Variants in ART4 observed in about 807,000 individuals in gnomAD.
ART4 encodes ecto-ADP-ribosyltransferase 4.
ART4 carries 14 observed loss-of-function variants against 24.2 expected under a neutral mutation model. The ratio of observed to expected loss-of-function variants is 0.58; its 90% CI spans 0.38 to 0.90. The LOEUF is 0.90. Ranked by LOEUF, ART4 falls within the 40% of genes least tolerant of loss-of-function variation. The pLI, the probability that ART4 is intolerant of heterozygous loss-of-function variation, is 0.00. For missense variants in ART4, 356 were observed against 366.6 expected (o/e 0.97, Z 0.24); for synonymous variants, 145 against 139.9 (o/e 1.04, Z -0.26).
intron 2 of ART4, among the ~76,000 whole-genome samples, chr12:14,837,325 G>A (rs1012494903): frequency 1.1e-4 from 16 of 152,152 alleles, no homozygotes; most frequent in African/African-American, 3.1e-4. Flanking sequence ...TATTGGAACT[G>A]TTTTTAATTA....
At position 14,829,276 on chromosome 12, in the gene ART4, T is replaced by G; in HGVS notation, c.*95A>C. 1 of 862,470 alleles carries G rather than the reference T, an allele frequency of 1.2e-6. No individual in the cohort carries two copies. The highest frequency in any genetic ancestry group is 2.9e-5 in the East Asian group (1 of 33,908). 53.4% of individuals were successfully genotyped at this position (862,470 alleles called of 1,614,324 possible). ...CAGCAGAAGTATGATGGGATCATCCTTCCTGGAAAATAAATGTCCATTTCT... is the reference window on the plus strand; with the variant it reads ...CAGCAGAAGTATGATGGGATCATCCGTCCTGGAAAATAAATGTCCATTTCT... On this transcript the variant is annotated 3_prime_UTR_variant, in exon 3 of 3. Coordinates refer to ENST00000228936, the MANE Select transcript of ART4 (RefSeq NM_021071.4).
At chr12:14,837,330 T>A (rs1950437518) in intron 2 of ART4, among the ~76,000 whole-genome samples, 1 of 152,200 alleles carries the variant, frequency 6.6e-6, no homozygotes, top group Non-Finnish European at 1.5e-5. Context: ...GAACTGTTTT[T>A]AATTAATTGT....
At chr12:14,842,349 T>C (rs1863064031) in intron 1 of ART4, among the ~76,000 whole-genome samples, 1 of 152,200 alleles carries the variant, frequency 6.6e-6, no homozygotes, top group African/African-American at 2.4e-5. Context: ...ATGTTATTTA[T>C]GATGAGACGT....
chr12:14,831,856 C>T (rs1950397878), intron 2 of ART4, among the ~76,000 whole-genome samples: 1 of 152,082 alleles, frequency 6.6e-6, no homozygotes, highest in African/African-American at 2.4e-5. Flanking sequence ...ACTCCATCCC[C>T]AGGCTTCTCC....
At chr12:14,835,398 C>T (rs961177971) in intron 2 of ART4, among the ~76,000 whole-genome samples, 1 of 152,110 alleles carries the variant, frequency 6.6e-6, no homozygotes, top group Non-Finnish European at 1.5e-5. Flanking sequence ...ATAAGAAAGA[C>T]ACACTACCTC....
At position 14,843,234 on chromosome 12, in the gene ART4, G is replaced by T; in HGVS notation, c.-121C>A. 8.0e-7 allele frequency: 1 copy of T among 1,246,038 alleles called. No homozygotes were observed. The highest frequency in any genetic ancestry group is 1.1e-6 in the Non-Finnish European group (1 of 904,540). The allele number at this position is 1,246,038 out of a possible 1,614,324, so 77.2% of individuals were successfully genotyped here. On this transcript the variant is annotated 5_prime_UTR_variant, in exon 1 of 3. Transcript: ENST00000228936. Reference sequence around the variant, plus strand: ...CGTAACCGTTTTTTCCCCTGTCTATGCTGAGCAACTTCTGTTGCCCACCAA... The same window carrying T: ...CGTAACCGTTTTTTCCCCTGTCTATTCTGAGCAACTTCTGTTGCCCACCAA...
At chr12:14,839,428 T>C (rs189698270) in intron 2 of ART4, among the ~76,000 whole-genome samples, 1 of 152,236 alleles carries the variant, frequency 6.6e-6, no homozygotes, top group Non-Finnish European at 1.5e-5. Context: ...GTAAAGAAAA[T>C]AAATTTATTT....
Position 14,827,712 on chromosome 12 carries a change from C to T in ART4, c.*1659G>A, listed in dbSNP as rs533053334. On this transcript the variant is annotated 3_prime_UTR_variant, in exon 3 of 3. Coordinates refer to ENST00000228936, the MANE Select transcript of ART4 (RefSeq NM_021071.4). Reference sequence around the variant, plus strand: ...CCACCATGCCTGGCAGAAATTCTTTCCTTTATTGACTGTAGAGGCTACTGC... The same window carrying T: ...CCACCATGCCTGGCAGAAATTCTTTTCTTTATTGACTGTAGAGGCTACTGC... 3 of 152,170 alleles carry T rather than the reference C, an allele frequency of 2.0e-5. No homozygotes were observed. Among genetic ancestry groups the T allele is most frequent in the Admixed American group, 6.6e-5 (1 of 15,266 alleles). The allele number at this position is 152,170 out of a possible 1,614,324, so 9.4% of individuals were successfully genotyped here. A position where few individuals can be genotyped will look rare whatever the true frequency, so the allele number is the denominator to read the frequency against.
intron 2 of ART4, among the ~76,000 whole-genome samples, chr12:14,836,853 T>A (rs1429368790): frequency 6.6e-6 from 1 of 152,184 alleles, no homozygotes; most frequent in Non-Finnish European, 1.5e-5. Flanking sequence ...GCCTCTGACC[T>A]ATCTCTTCCC....
At chr12:14,837,308 C>T (rs899750414) in intron 2 of ART4, among the ~76,000 whole-genome samples, 1 of 152,136 alleles carries the variant, frequency 6.6e-6, no homozygotes, top group African/African-American at 2.4e-5. Flanking sequence ...ATCTTCCCTT[C>T]TTCAAATATT....
Position 14,826,288 on chromosome 12 carries a change from A to C in ART4, c.*3083T>G, listed in dbSNP as rs1439488707. 6.6e-6 allele frequency: 1 copy of C among 152,230 alleles called. No individual in the cohort carries two copies. The highest frequency in any genetic ancestry group is 1.5e-5 in the Non-Finnish European group (1 of 68,042). The allele number at this position is 152,230 out of a possible 1,614,324, so 9.4% of individuals were successfully genotyped here. A position where few individuals can be genotyped will look rare whatever the true frequency, so the allele number is the denominator to read the frequency against. On this transcript the variant is annotated 3_prime_UTR_variant, in exon 3 of 3. Transcript: ENST00000228936. ...CATGAATCTACATAATTTTAAGAGA[A>C]TAGTTTCTGTCTCCAGAGATTTGAT...
rs753978804 is a variant in ART4 at position 14,840,447 on chromosome 12, T to G, written c.851A>C (p.Lys284Thr). The G allele has an allele frequency of 6.2e-7, 1 of 1,602,190 alleles. No individual in the cohort carries two copies. The highest frequency in any genetic ancestry group is 1.1e-5 in the South Asian group (1 of 88,752). The change falls in exon 2 of 3, where the codon AAA becomes ACA. Residue 284 changes from lysine to threonine, a missense_variant and splice_region_variant. Physicochemically the swap from Lys to Thr is moderately conservative, Grantham distance 78. Transcript: ENST00000228936. ...NLSTYNCQLL[K>T]ASSKKCIPDP... ...GCCTCAATTTAGATAAAGAATACCT[T>G]TTAGCAGCTGACAGTTATATGTGCT...
intron 2 of ART4, among the ~76,000 whole-genome samples, chr12:14,835,900 G>A (rs1389432108): frequency 6.6e-6 from 1 of 152,136 alleles, no homozygotes; most frequent in Non-Finnish European, 1.5e-5. Flanking sequence ...ACTGCACCTG[G>A]CTGGCAATCA....
intron 1 of ART4, among the ~76,000 whole-genome samples, chr12:14,841,647 C>G (rs984865563): frequency 1.3e-5 from 2 of 152,124 alleles, no homozygotes; most frequent in Non-Finnish European, 2.9e-5. Context: ...TCTTGTCTAC[C>G]TGGGTTCTGA....
intron 2 of ART4, among the ~76,000 whole-genome samples, chr12:14,830,156 T>TGTA (rs1565427622): frequency 9.9e-6 from 1 of 101,036 alleles, no homozygotes; most frequent in Non-Finnish European, 2.3e-5. Context: ...GTGTGTGTGT[T>TGTA]CTAACTACAC....
chr12:14,840,383 T>G (rs543904010), intron 2 of ART4, 62 bp downstream of exon 2: 1 of 1,405,758 alleles, frequency 7.1e-7, no homozygotes, highest in African/African-American at 1.4e-5. Flanking sequence ...TGAGAAAAAA[T>G]AACTTTTATA....
At chr12:14,830,476 C>T (rs79693128) in intron 2 of ART4, among the ~76,000 whole-genome samples, 62 of 146,652 alleles carry the variant, frequency 4.2e-4, no homozygotes, top group African/African-American at 1.5e-3. Flanking sequence ...GGGAGAAATA[C>T]ATTTCTACTA....
chr12:14,830,696 T>C (rs57255517), intron 2 of ART4, among the ~76,000 whole-genome samples: 1,542 of 101,512 alleles, frequency 0.015, 160 homozygotes, highest in African/African-American at 0.047. Context: ...TATATATATA[T>C]ATACAGTAAT....
chr12:14,832,691 CT>C (rs1260842810), intron 2 of ART4, among the ~76,000 whole-genome samples: 1 of 152,130 alleles, frequency 6.6e-6, no homozygotes, highest in Non-Finnish European at 1.5e-5. Context: ...ATAATAGCTG[CT>C]ATTATGATGA....
Sources: allele counts gnomAD v4.1 joint callset (sites outside exome capture counted in the v4.1 genomes callset), GRCh38; gene constraint gnomAD v4.1.1; transcripts MANE v1.5; gene names NCBI Gene and HGNC (gene_info 2026-07-23, HGNC 2026-07-21).